ADCY8: variants seen among roughly 807,000 people sequenced by gnomAD.
The protein encoded by ADCY8 is adenylate cyclase type 8.
ADCY8 carries 51 observed loss-of-function variants against 119.7 expected under a neutral mutation model. The ratio of observed to expected loss-of-function variants is 0.43; its 90% CI spans 0.34 to 0.54. ADCY8 has a LOEUF of 0.54. Among genes scored for constraint, ADCY8 ranks in the 20% least tolerant of loss-of-function variants. ADCY8 has a pLI of 0.03. For missense variants in ADCY8, 1,383 were observed against 1,598.8 expected (o/e 0.87, Z 2.30); for synonymous variants, 665 against 651.0 (o/e 1.02, Z -0.33).
At chr8:130,911,860 A>G (rs1211113825) in intron 5 of ADCY8, among the ~76,000 whole-genome samples, 2 of 152,044 alleles carry the variant, frequency 1.3e-5, no homozygotes, top group Non-Finnish European at 1.5e-5. Context: ...AAATATTTAG[A>G]TACTACTGGT....
chr8:130,960,505 T>C (rs534506410), intron 2 of ADCY8, among the ~76,000 whole-genome samples: 9 of 152,246 alleles, frequency 5.9e-5, no homozygotes, highest in African/African-American at 2.2e-4. Context: ...ACCTTATGAT[T>C]TCAGCATGTC....
Position 130,814,180 on chromosome 8 carries a change from T to C in ADCY8, c.2802A>G (p.Lys934=), listed in dbSNP as rs777324350. The change falls in exon 14 of 18, where the codon AAA becomes AAG. Residue 934 remains lysine, a synonymous_variant. Coordinates refer to ENST00000286355, the MANE Select transcript of ADCY8 (RefSeq NM_001115.3). ...RLDFLWRVQA[K]EEINEMKELR... ...GCTCCTTCATCTCATTGATCTCCTCTTTGGCCTGTACTCGCCAAAGGAAGT... is the reference window on the plus strand; with the variant it reads ...GCTCCTTCATCTCATTGATCTCCTCCTTGGCCTGTACTCGCCAAAGGAAGT... The C allele has an allele frequency of 6.2e-7, 1 of 1,614,038 alleles. No individual in the cohort carries two copies. Among genetic ancestry groups the C allele is most frequent in the Non-Finnish European group, 8.5e-7 (1 of 1,180,058 alleles).
intron 3 of ADCY8, among the ~76,000 whole-genome samples, chr8:130,945,108 A>G (rs906200479): frequency 6.6e-6 from 1 of 152,198 alleles, no homozygotes; most frequent in South Asian, 2.1e-4. Context: ...TGGTGGAAGA[A>G]TAAGTGTATG....
chr8:130,913,984 G>C (rs1586565827), intron 5 of ADCY8, among the ~76,000 whole-genome samples: 1 of 152,304 alleles, frequency 6.6e-6, no homozygotes, highest in South Asian at 2.1e-4. Flanking sequence ...AAGATTAAGT[G>C]AATAAACACA....
chr8:130,854,812 TCCCTC>T (rs1817657483), intron 9 of ADCY8, among the ~76,000 whole-genome samples: 1 of 35,606 alleles, frequency 2.8e-5, no homozygotes, highest in Non-Finnish European at 5.7e-5. Flanking sequence ...CGTCCCTCCC[TCCCTC>T]CCTCCCTCCC....
At chr8:130,820,841 G>A (rs951474386) in intron 13 of ADCY8, among the ~76,000 whole-genome samples, 1 of 152,186 alleles carries the variant, frequency 6.6e-6, no homozygotes, top group Non-Finnish European at 1.5e-5. Flanking sequence ...TCTACACACA[G>A]TAATCTGCAA....
chr8:130,823,769 C>T (rs993267996), intron 12 of ADCY8, among the ~76,000 whole-genome samples: 2 of 152,100 alleles, frequency 1.3e-5, no homozygotes, highest in African/African-American at 4.8e-5. Flanking sequence ...AAGCCTACCA[C>T]CCAGAGAAGA....
chr8:130,952,129 G>T (rs1821293516), intron 2 of ADCY8, 131 bp from the exon 3 acceptor site: 2 of 1,015,944 alleles, frequency 2.0e-6, no homozygotes, highest in African/African-American at 1.6e-5. Context: ...ACCATTCTAT[G>T]AATACAACAA....
At chr8:130,829,737 A>G (rs1325320995) in intron 12 of ADCY8, among the ~76,000 whole-genome samples, 1 of 152,238 alleles carries the variant, frequency 6.6e-6, no homozygotes, top group Non-Finnish European at 1.5e-5. Flanking sequence ...AGGATTAATA[A>G]TTGCAGGAAA....
chr8:130,815,597 A>G (rs1816311548), intron 13 of ADCY8, among the ~76,000 whole-genome samples: 1 of 152,238 alleles, frequency 6.6e-6, no homozygotes, highest in Non-Finnish European at 1.5e-5. Flanking sequence ...GAGTTAGTGG[A>G]AGCCAGGATT....
intron 15 of ADCY8, among the ~76,000 whole-genome samples, chr8:130,791,145 T>C (rs1289166312): frequency 6.6e-6 from 1 of 152,230 alleles, no homozygotes; most frequent in Non-Finnish European, 1.5e-5. Context: ...TCATGAAGCT[T>C]ATACTCTATT....
chr8:130,799,402 T>G (rs1162276653), intron 15 of ADCY8, among the ~76,000 whole-genome samples: 1 of 152,176 alleles, frequency 6.6e-6, no homozygotes, highest in Non-Finnish European at 1.5e-5. Context: ...CATAAATATA[T>G]ACAATGGAAA....
rs1205439037 is a variant in ADCY8 at position 130,909,684 on chromosome 8, G to A, written c.1640+24C>T. ...TAAGCCAATGACAACCGTTAAGCATGAAAAGGGCTTTGCTTTATCTTACCC... is the reference window on the plus strand; with the variant it reads ...TAAGCCAATGACAACCGTTAAGCATAAAAAGGGCTTTGCTTTATCTTACCC... On this transcript the variant is annotated intron_variant, in intron 6 of 17. Transcript: ENST00000286355. 4 of 1,613,692 alleles carry A rather than the reference G, an allele frequency of 2.5e-6. No individual in the cohort carries two copies. The African/African-American group carries it at 4.0e-5, about 16-fold the overall frequency.
At chr8:131,011,525 C>T (rs986898117) in intron 1 of ADCY8, among the ~76,000 whole-genome samples, 2 of 152,256 alleles carry the variant, frequency 1.3e-5, no homozygotes, top group South Asian at 2.1e-4. Context: ...GCCTGACCCC[C>T]AGAGGATGGG....
intron 1 of ADCY8, among the ~76,000 whole-genome samples, chr8:131,018,241 C>A (rs1162000122): frequency 6.6e-6 from 1 of 152,142 alleles, no homozygotes; most frequent in Non-Finnish European, 1.5e-5. Context: ...GTAGTTCTTT[C>A]CCCTCCTTTT....
At chr8:130,974,282 A>G (rs1332892648) in intron 2 of ADCY8, among the ~76,000 whole-genome samples, 1 of 152,178 alleles carries the variant, frequency 6.6e-6, no homozygotes, top group Non-Finnish European at 1.5e-5. Flanking sequence ...ATCCTGAAGA[A>G]TCAAAATTAC....
At chr8:131,037,298 T>C (rs1824186956) in intron 1 of ADCY8, among the ~76,000 whole-genome samples, 1 of 152,166 alleles carries the variant, frequency 6.6e-6, no homozygotes, top group Admixed American at 6.5e-5. Flanking sequence ...TATGATGAGA[T>C]GAGGGTGGGA....
intron 1 of ADCY8, among the ~76,000 whole-genome samples, chr8:131,019,873 A>G (rs1006828143): frequency 1.2e-5 from 1 of 86,006 alleles, no homozygotes; most frequent in Non-Finnish European, 2.5e-5. Flanking sequence ...CTCTCTCTCA[A>G]TAAGGGAGTG....
At chr8:130,938,580 T>C (rs896027939) in intron 4 of ADCY8, among the ~76,000 whole-genome samples, 7 of 152,250 alleles carry the variant, frequency 4.6e-5, no homozygotes, top group East Asian at 1.9e-4. Context: ...AACAGTACTG[T>C]TGATGCCCTT....
Sources: gnomAD v4.1 joint callset for allele counts (sites outside exome capture counted in the v4.1 genomes callset) on GRCh38, gnomAD v4.1.1 for gene constraint, MANE v1.5 for transcripts, NCBI Gene and HGNC (gene_info 2026-07-23, HGNC 2026-07-21) for gene names.